LDLRAD4: variants seen among roughly 807,000 people sequenced by gnomAD.
LDLRAD4 encodes the protein low-density lipoprotein receptor class A domain-containing protein 4.
Under a neutral mutation model 17.0 loss-of-function variants are expected in LDLRAD4, and 5 were observed. The observed-to-expected ratio is 0.29, with a 90% CI of 0.15 to 0.62. The LOEUF (loss-of-function observed/expected upper bound fraction) is 0.62. LDLRAD4 is among the 20% of genes least tolerant of loss of function. The pLI is 0.84. For missense variants in LDLRAD4, 340 were observed against 424.7 expected (o/e 0.80, Z 1.75); for synonymous variants, 168 against 171.8 (o/e 0.98, Z 0.17).
At chr18:13,605,739 G>A (rs1037195683) in intron 3 of LDLRAD4, among the ~76,000 whole-genome samples, 14 of 152,286 alleles carry the variant, frequency 9.2e-5, no homozygotes, top group African/African-American at 2.9e-4. Context: ...GTTGAGTACT[G>A]TTCTTTAAAA....
At chr18:13,400,540 T>C (rs1188943402) in intron 2 of LDLRAD4, among the ~76,000 whole-genome samples, 1 of 152,172 alleles carries the variant, frequency 6.6e-6, no homozygotes, top group Non-Finnish European at 1.5e-5. Context: ...TGAGCAGCCC[T>C]GACTCTTAGA....
chr18:13,273,747 G>A (rs749688679), upstream of LDLRAD4, among the ~76,000 whole-genome samples: 4 of 152,170 alleles, frequency 2.6e-5, no homozygotes, highest in African/African-American at 7.2e-5. Flanking sequence ...TGAGAACACC[G>A]TAAAGATGAA....
intron 3 of LDLRAD4, among the ~76,000 whole-genome samples, chr18:13,586,400 C>G (rs1431752659): frequency 1.1e-3 from 2 of 1,866 alleles, no homozygotes; most frequent in African/African-American, 4.9e-3. Context: ...GAGCAAGACT[C>G]TGTCTCAAAA....
chr18:13,339,921 T>A (rs2082286682), intron 1 of LDLRAD4, among the ~76,000 whole-genome samples: 1 of 152,196 alleles, frequency 6.6e-6, no homozygotes, highest in Non-Finnish European at 1.5e-5. Context: ...TGAAACTTCA[T>A]ATCCATTAAA....
chr18:13,334,705 A>G (rs1411895775), intron 1 of LDLRAD4, among the ~76,000 whole-genome samples: 1 of 151,928 alleles, frequency 6.6e-6, no homozygotes, highest in African/African-American at 2.4e-5. Flanking sequence ...TTCTTGTCTT[A>G]TTGCACTTGC....
At chr18:13,319,055 C>T (rs1226227570) in intron 1 of LDLRAD4, among the ~76,000 whole-genome samples, 2 of 152,264 alleles carry the variant, frequency 1.3e-5, no homozygotes, top group East Asian at 1.9e-4. Flanking sequence ...ACACATCAAG[C>T]CATTTAGTGG....
chr18:13,273,996 G>A (rs531288175), upstream of LDLRAD4, among the ~76,000 whole-genome samples: 4 of 152,270 alleles, frequency 2.6e-5, no homozygotes, highest in South Asian at 4.2e-4. Flanking sequence ...GGAAACCCAC[G>A]TGTGGATGCC....
intron 3 of LDLRAD4, among the ~76,000 whole-genome samples, chr18:13,616,583 C>T (rs1029152093): frequency 7.2e-5 from 11 of 152,230 alleles, no homozygotes; most frequent in Admixed American, 3.9e-4. Flanking sequence ...CAGACCCTGA[C>T]GCCCTCAGGG....
intron 3 of LDLRAD4, among the ~76,000 whole-genome samples, chr18:13,610,037 C>T (rs2039344243): frequency 6.6e-6 from 1 of 152,034 alleles, no homozygotes; most frequent in Admixed American, 6.6e-5. Context: ...TGCCCAGTGA[C>T]AGGGAAGCTA....
intron 3 of LDLRAD4, among the ~76,000 whole-genome samples, chr18:13,448,128 C>T (rs376087395): frequency 2.0e-5 from 3 of 152,090 alleles, no homozygotes; most frequent in East Asian, 1.9e-4. Context: ...TGATTTAAGC[C>T]GTACTGCCCA....
chr18:13,388,034 G>A (rs564207309), intron 2 of LDLRAD4, among the ~76,000 whole-genome samples: 6 of 152,300 alleles, frequency 3.9e-5, no homozygotes, highest in East Asian at 3.9e-4. Flanking sequence ...TATTCGCAGC[G>A]TCTTCCAAGT....
chr18:13,281,728 T>G (rs1434973025), intron 1 of LDLRAD4, among the ~76,000 whole-genome samples: 1 of 152,130 alleles, frequency 6.6e-6, no homozygotes, highest in Non-Finnish European at 1.5e-5. Flanking sequence ...TCTGAGTTCT[T>G]CAGCCTTATT....
exon 2 of LDLRAD4, chr18:13,387,556 C>T (rs2085926622): frequency 1.6e-6 from 1 of 633,322 alleles, no homozygotes. Flanking sequence ...CCAGGTACCG[C>T]CCGCCCGCGC....
chr18:13,515,274 G>GC (rs1408830989), intron 3 of LDLRAD4: 1 of 152,206 alleles, frequency 6.6e-6, no homozygotes, highest in African/African-American at 2.4e-5. Flanking sequence ...TTGGTGAGCT[G>GC]CCTGTAGGCA....
chr18:13,614,121 G>A (rs1410672656), intron 3 of LDLRAD4: 1 of 152,228 alleles, frequency 6.6e-6, no homozygotes, highest in Admixed American at 6.5e-5. Flanking sequence ...AGCAGGTCAG[G>A]CCGTTGGGGT....
intron 3 of LDLRAD4, among the ~76,000 whole-genome samples, chr18:13,483,137 G>A (rs147368458): frequency 4.0e-4 from 61 of 152,244 alleles, no homozygotes; most frequent in African/African-American, 1.4e-3. Flanking sequence ...CATATCTTGG[G>A]GTGTTGTTTT....
intron 3 of LDLRAD4, among the ~76,000 whole-genome samples, chr18:13,584,057 C>T (rs978898804): frequency 2.0e-5 from 3 of 152,166 alleles, no homozygotes; most frequent in Non-Finnish European, 2.9e-5. Flanking sequence ...CAGGTGAGCC[C>T]GGCCCACCCG....
chr18:13,521,788 A>C (rs1194252003), intron 3 of LDLRAD4: 2 of 151,460 alleles, frequency 1.3e-5, no homozygotes, highest in East Asian at 3.9e-4. Flanking sequence ...TGAGAATGAG[A>C]TATATGGAAA....
intron 3 of LDLRAD4, among the ~76,000 whole-genome samples, chr18:13,442,820 G>A (rs1383813986): frequency 1.3e-5 from 2 of 152,226 alleles, no homozygotes; most frequent in Admixed American, 1.3e-4. Flanking sequence ...CGAAAGCCTT[G>A]GTGAGCACAG....
Sources: allele counts gnomAD v4.1 joint callset (sites outside exome capture counted in the v4.1 genomes callset), GRCh38; gene constraint gnomAD v4.1.1; transcripts MANE v1.5; gene names NCBI Gene and HGNC (gene_info 2026-07-23, HGNC 2026-07-21).